ELOVL2: variants seen among roughly 807,000 people sequenced by gnomAD.
ELOVL2 encodes ELOVL fatty acid elongase 2.
ELOVL2 carries 38 observed loss-of-function variants against 37.7 expected under a neutral mutation model. That is an observed-to-expected ratio of 1.01 (90% confidence interval 0.78 to 1.32). ELOVL2 has a LOEUF of 1.32. Among genes scored for constraint, ELOVL2 ranks in the 40% most tolerant of loss-of-function variants. The probability of loss-of-function intolerance (pLI) is 0.00; values close to 1 mark genes in which losing one functional copy is unlikely to be tolerated. For missense variants in ELOVL2, 352 were observed against 363.6 expected, an observed-to-expected ratio of 0.97 and a Z score of 0.26; for synonymous variants, 115 against 122.3, an observed-to-expected ratio of 0.94 and a Z score of 0.40.
Position 10,990,332 on chromosome 6 carries a change from TGA to T in ELOVL2, c.614_615del (p.Leu205HisfsTer116). The T allele has an allele frequency of 1.4e-5, 22 of 1,611,800 alleles. No individual in the cohort carries two copies. Among genetic ancestry groups the T allele is most frequent in the Non-Finnish European group, 1.9e-5 (22 of 1,178,830 alleles). On this transcript the variant is annotated frameshift_variant, in exon 6 of 8. Coordinates refer to ENST00000354666, the MANE Select transcript of ELOVL2 (RefSeq NM_017770.4). LOFTEE classifies it high-confidence loss of function. The part of the protein sequence containing the change: ...MHKYLWWKKY[L>X]TQAQLVQFVL... ...GGACAACATACCAGCTGAGCCTGTG[TGA>T]GATATTTCTTCCACCAAAGATACTT...
At chr6:11,030,527 T>C (rs1157273528) in intron 1 of ELOVL2, among the ~76,000 whole-genome samples, 1 of 152,214 alleles carries the variant, frequency 6.6e-6, no homozygotes, top group Non-Finnish European at 1.5e-5. Flanking sequence ...AGTCTCGCTC[T>C]GTCACCCAGG....
At chr6:11,027,138 C>T (rs933036447) in intron 1 of ELOVL2, among the ~76,000 whole-genome samples, 3 of 152,140 alleles carry the variant, frequency 2.0e-5, no homozygotes, top group Non-Finnish European at 2.9e-5. Flanking sequence ...GGTGTAAATG[C>T]TTCTCACTTC....
At chr6:11,030,193 A>C (rs1782900496) in intron 1 of ELOVL2, among the ~76,000 whole-genome samples, 1 of 152,210 alleles carries the variant, frequency 6.6e-6, no homozygotes, top group Non-Finnish European at 1.5e-5. Flanking sequence ...TTAGTTCTCT[A>C]AAACTGCATG....
At position 11,018,892 on chromosome 6, in the gene ELOVL2, T is replaced by C. The variant is rs150814592; in HGVS notation, c.4-8083A>G. On this transcript the variant is annotated intron_variant, in intron 1 of 7. Transcript: ENST00000354666. ...TAATTTCAAAGCATTTAGTAATTAG[T>C]GGGCTATACAAACCCACTTAGATAG... Among the ~76,000 whole-genome samples the C allele has an allele frequency of 1.4e-3, 207 of 152,348 alleles. 2 individuals carry two copies. The highest frequency in any genetic ancestry group is 4.6e-3 in the African/African-American group (190 of 41,586).
At chr6:11,013,634 A>G (rs546288673) in intron 1 of ELOVL2, among the ~76,000 whole-genome samples, 1 of 152,234 alleles carries the variant, frequency 6.6e-6, no homozygotes, top group African/African-American at 2.4e-5. Flanking sequence ...AAATTGGGAA[A>G]GTGAGACATA....
chr6:10,981,717 C>A lies in ELOVL2; in HGVS notation c.*2064G>T, dbSNP rs1185204646. ...GTGGCAGGTATGCTATGCACTGAGACCTTAGGGCCTCACTGGCACGTAAGA... is the reference window on the plus strand; with the variant it reads ...GTGGCAGGTATGCTATGCACTGAGAACTTAGGGCCTCACTGGCACGTAAGA... On this transcript the variant is annotated 3_prime_UTR_variant, in exon 8 of 8. Transcript: ENST00000354666. The A allele has an allele frequency of 6.6e-6, 1 of 152,176 alleles. No individual in the cohort carries two copies. Among genetic ancestry groups the A allele is most frequent in the Non-Finnish European group, 1.5e-5 (1 of 68,036 alleles). 9.4% of individuals were successfully genotyped at this position (152,176 alleles called of 1,614,324 possible).
At chr6:11,014,771 C>T (rs1383108527) in intron 1 of ELOVL2, among the ~76,000 whole-genome samples, 2 of 152,220 alleles carry the variant, frequency 1.3e-5, no homozygotes, top group Non-Finnish European at 2.9e-5. Context: ...TCTGATTGCA[C>T]TCTGATTTTC....
chr6:10,987,907 A>G lies in ELOVL2; in HGVS notation c.765+1796T>C, dbSNP rs549585398. Among the ~76,000 whole-genome samples the G allele has an allele frequency of 1.3e-4, 19 of 151,940 alleles. 1 individual carries two copies. The highest frequency in any genetic ancestry group is 4.6e-4 in the African/African-American group (19 of 41,446). ...TTTCACTTTTTTTTTTTTTAAAGCA[A>G]TAGTATTAACAAGGATCCAAACTTA... is the stretch of plus-strand genomic sequence containing the variant. On this transcript the variant is annotated intron_variant, in intron 7 of 7. Coordinates refer to ENST00000354666, the MANE Select transcript of ELOVL2 (RefSeq NM_017770.4).
At chr6:10,994,483 A>AAAG (rs1554111121) in intron 5 of ELOVL2, among the ~76,000 whole-genome samples, 19 of 146,022 alleles carry the variant, frequency 1.3e-4, no homozygotes, top group Admixed American at 2.1e-4. Flanking sequence ...AAAAAAAAAA[A>AAAG]GAACAAATAT....
rs1216823016 is a variant in ELOVL2 at position 10,981,360 on chromosome 6, T to TTAC, written c.*2418_*2420dup. 6.5e-6 allele frequency: 1 copy of TTAC among 152,690 alleles called. No individual in the cohort carries two copies. The highest frequency in any genetic ancestry group is 6.5e-5 in the Admixed American group (1 of 15,284). The allele number at this position is 152,690 out of a possible 1,614,324, so 9.5% of individuals were successfully genotyped here. ...AAATAAGCATTTTGGTTTTTTGAAG[T>TTAC]TACAACACTTAACGACAGGTTAAAA... is the stretch of plus-strand genomic sequence containing the variant. On this transcript the variant is annotated 3_prime_UTR_variant, in exon 8 of 8. Coordinates refer to ENST00000354666, the MANE Select transcript of ELOVL2 (RefSeq NM_017770.4).
chr6:10,989,361 G>A (rs1243582290), intron 7 of ELOVL2, among the ~76,000 whole-genome samples: 1 of 152,200 alleles, frequency 6.6e-6, no homozygotes, highest in East Asian at 1.9e-4. Context: ...ATGTAAAAGT[G>A]CATGATCTAG....
chr6:11,016,598 T>C (rs73723628), intron 1 of ELOVL2, among the ~76,000 whole-genome samples: 2,493 of 152,238 alleles, frequency 0.016, 64 homozygotes, highest in African/African-American at 0.057. Flanking sequence ...GGCTGAGCTG[T>C]ACAGAACTGA....
At chr6:11,002,469 TC>T (rs1782404043) in intron 3 of ELOVL2, among the ~76,000 whole-genome samples, 1 of 152,166 alleles carries the variant, frequency 6.6e-6, no homozygotes, top group African/African-American at 2.4e-5. Context: ...CCCCAGAGTG[TC>T]AAAGAAGACC....
At chr6:11,037,487 G>T (rs1341658001) in intron 1 of ELOVL2, among the ~76,000 whole-genome samples, 1 of 150,698 alleles carries the variant, frequency 6.6e-6, no homozygotes, top group Non-Finnish European at 1.5e-5. Context: ...CAAAATTTTT[G>T]TGTAAAGCTA....
intron 1 of ELOVL2, among the ~76,000 whole-genome samples, chr6:11,043,155 G>A (rs1783129062): frequency 6.6e-6 from 1 of 152,168 alleles, no homozygotes. Flanking sequence ...AGGGTAGCCA[G>A]AGCAAAATCA....
chr6:11,036,525 C>T (rs150168995), intron 1 of ELOVL2, among the ~76,000 whole-genome samples: 43 of 152,288 alleles, frequency 2.8e-4, no homozygotes, highest in Non-Finnish European at 6.0e-4. Flanking sequence ...CCCACATGTA[C>T]CATTTCGACT....
At chr6:10,994,291 AC>A (rs1221841704) in intron 5 of ELOVL2, among the ~76,000 whole-genome samples, 6 of 151,968 alleles carry the variant, frequency 3.9e-5, no homozygotes, top group African/African-American at 1.2e-4. Flanking sequence ...ACATAGTGAA[AC>A]CCTGTCTCTA....
At chr6:11,036,796 A>G (rs1009605955) in intron 1 of ELOVL2, among the ~76,000 whole-genome samples, 8 of 152,236 alleles carry the variant, frequency 5.3e-5, no homozygotes, top group African/African-American at 1.2e-4. Flanking sequence ...GACCTTCCAG[A>G]GACAAAATAG....
intron 1 of ELOVL2, among the ~76,000 whole-genome samples, chr6:11,029,729 A>G (rs987267663): frequency 6.6e-6 from 1 of 152,218 alleles, no homozygotes; most frequent in Non-Finnish European, 1.5e-5. Flanking sequence ...GGGGTTTACC[A>G]TTGTTGACTG....
Sources: allele counts gnomAD v4.1 joint callset (sites outside exome capture counted in the v4.1 genomes callset), GRCh38; gene constraint gnomAD v4.1.1; transcripts MANE v1.5; gene names NCBI Gene and HGNC (gene_info 2026-07-23, HGNC 2026-07-21).